NNMT: variants seen among roughly 807,000 people sequenced by gnomAD.
The protein encoded by NNMT is nicotinamide N-methyltransferase.
A neutral mutation model predicts 11.7 loss-of-function variants in NNMT; 10 were observed. The ratio of observed to expected loss-of-function variants is 0.85; its 90% CI spans 0.53 to 1.45. The LOEUF (loss-of-function observed/expected upper bound fraction) is 1.45. Among genes scored for constraint, NNMT ranks in the 40% most tolerant of loss-of-function variants. The pLI, the probability that NNMT is intolerant of heterozygous loss-of-function variation, is 0.00. For missense variants in NNMT, 381 were observed against 319.4 expected (o/e 1.19, Z -1.47); for synonymous variants, 143 against 133.8 (o/e 1.07, Z -0.48).
At chr11:114,267,547 A>T (rs113077579) in intron 2 of NNMT, among the ~76,000 whole-genome samples, 3 of 152,338 alleles carry the variant, frequency 2.0e-5, no homozygotes, top group African/African-American at 7.2e-5. Context: ...TAATATTTTT[A>T]ATGAATTACA....
chr11:114,284,684 G>C (rs1038441749), intron 2 of NNMT, among the ~76,000 whole-genome samples: 1 of 150,654 alleles, frequency 6.6e-6, no homozygotes, highest in African/African-American at 2.4e-5. Flanking sequence ...GGATGGTCTC[G>C]ATCTCCTGAC....
chr11:114,281,971 C>A (rs1003520917), intron 2 of NNMT, among the ~76,000 whole-genome samples: 6 of 152,186 alleles, frequency 3.9e-5, no homozygotes, highest in African/African-American at 1.4e-4. Flanking sequence ...TGACTAAAGA[C>A]TTCTGTGCCT....
At chr11:114,291,961 C>G (rs1945338467), upstream of NNMT, among the ~76,000 whole-genome samples, 1 of 152,182 alleles carries the variant, frequency 6.6e-6, no homozygotes, top group South Asian at 2.1e-4. Context: ...AATTCTCTGT[C>G]TTTATCTGTT....
At position 114,297,933 on chromosome 11, in the gene NNMT, T is replaced by G; in HGVS notation, c.155-18T>G. The G allele has an allele frequency of 6.2e-7, 1 of 1,610,020 alleles. No homozygotes were observed. The highest frequency in any genetic ancestry group is 1.3e-5 in the African/African-American group (1 of 74,964). On this transcript the variant is annotated intron_variant, in intron 1 of 2. Coordinates refer to ENST00000299964, the MANE Select transcript of NNMT (RefSeq NM_006169.3). ...TGAGATGCCTGATCTCTCCTCTTTG[T>G]TCCTCCCACTAATCCAGACGGTGTG...
At position 114,267,945 on chromosome 11, in the gene NNMT, A is replaced by T. The variant is rs137921451; in HGVS notation, c.-130+5011A>T. 4.9e-4 allele frequency among the ~76,000 whole-genome samples: 74 copies of T among 152,352 alleles called. No individual in the cohort carries two copies. The South Asian group carries it at 0.015, about 31-fold the overall frequency. On this transcript the variant is annotated intron_variant, in intron 2 of 4. Transcript: ENST00000535401. ...TTGATTTATTTGAATTAAGAGCCAA[A>T]TCATACCCACATACTGCATCGATTT...
chr11:114,282,062 A>AC (rs1481095356), intron 2 of NNMT, among the ~76,000 whole-genome samples: 1 of 152,130 alleles, frequency 6.6e-6, no homozygotes, highest in Non-Finnish European at 1.5e-5. Context: ...TCTCCACTCT[A>AC]CTAGAAATTA....
intron 2 of NNMT, among the ~76,000 whole-genome samples, chr11:114,283,201 C>A (rs1223994467): frequency 1.3e-5 from 2 of 152,100 alleles, no homozygotes; most frequent in Non-Finnish European, 2.9e-5. Context: ...TCACACAGGT[C>A]TCTATATGAA....
At chr11:114,297,741 C>T (rs886198472) in intron 1 of NNMT, among the ~76,000 whole-genome samples, 2 of 152,152 alleles carry the variant, frequency 1.3e-5, no homozygotes, top group African/African-American at 4.8e-5. Flanking sequence ...CCTGCCTTGG[C>T]CTTCCAGAGT....
intron 2 of NNMT, among the ~76,000 whole-genome samples, chr11:114,280,727 A>T (rs1021239912): frequency 2.6e-5 from 4 of 152,106 alleles, no homozygotes; most frequent in Admixed American, 1.3e-4. Flanking sequence ...GGCTGCAGGC[A>T]CCTGACCAAG....
intron 1 of NNMT, among the ~76,000 whole-genome samples, chr11:114,262,666 C>A (rs1945092524): frequency 6.6e-6 from 1 of 152,150 alleles, no homozygotes; most frequent in Non-Finnish European, 1.5e-5. Context: ...CAAATGGATG[C>A]AACTAAATGG....
At chr11:114,268,561 G>T (rs982676031) in intron 2 of NNMT, among the ~76,000 whole-genome samples, 1 of 152,100 alleles carries the variant, frequency 6.6e-6, no homozygotes, top group Non-Finnish European at 1.5e-5. Context: ...ACGAGGTCAG[G>T]AGATCAAGAC....
At chr11:114,258,165 G>A (rs1002948665) in intron 1 of NNMT, among the ~76,000 whole-genome samples, 6 of 152,330 alleles carry the variant, frequency 3.9e-5, no homozygotes, top group African/African-American at 1.4e-4. Context: ...CACATTGCTG[G>A]GGTCAGAAGA....
intron 2 of NNMT, among the ~76,000 whole-genome samples, chr11:114,288,755 GT>G (rs933789580): frequency 2.6e-5 from 4 of 152,086 alleles, no homozygotes; most frequent in African/African-American, 9.7e-5. Context: ...GTAAATTTTA[GT>G]AATATGTCCA....
At chr11:114,283,175 C>A (rs1486957743) in intron 2 of NNMT, among the ~76,000 whole-genome samples, 5 of 152,012 alleles carry the variant, frequency 3.3e-5, no homozygotes, top group African/African-American at 1.2e-4. Flanking sequence ...ACTGGGAATG[C>A]CCCCCATAGG....
At chr11:114,288,987 G>A (rs1565723789) in intron 2 of NNMT, among the ~76,000 whole-genome samples, 1 of 152,072 alleles carries the variant, frequency 6.6e-6, no homozygotes, top group African/African-American at 2.4e-5. Flanking sequence ...CTGAGTTTGT[G>A]TAAGATTAGA....
At chr11:114,301,974 A>AT (rs1388708302) in intron 2 of NNMT, among the ~76,000 whole-genome samples, 5 of 152,090 alleles carry the variant, frequency 3.3e-5, no homozygotes, top group South Asian at 4.1e-4. Context: ...AGTGTTTGTC[A>AT]TTTTTAGCTG....
chr11:114,294,292 A>G (rs1452546207), upstream of NNMT, among the ~76,000 whole-genome samples: 1 of 152,070 alleles, frequency 6.6e-6, no homozygotes, highest in African/African-American at 2.4e-5. Context: ...AGCCTGGCCA[A>G]TATGATGAAA....
intron 2 of NNMT, among the ~76,000 whole-genome samples, chr11:114,308,967 A>T (rs1268600886): frequency 6.6e-6 from 1 of 152,080 alleles, no homozygotes; most frequent in Admixed American, 6.5e-5. Context: ...TCATCATCTG[A>T]CTGGTAAGTT....
At chr11:114,297,818 GGA>G (rs996429728) in intron 1 of NNMT, 131 bp from the exon 2 acceptor site, 1 of 741,460 alleles carries the variant, frequency 1.3e-6, no homozygotes, top group Non-Finnish European at 2.3e-6. Context: ...ACATTTTGAG[GGA>G]AAAGTTGTGA....
Sources: gnomAD v4.1 joint callset for allele counts (sites outside exome capture counted in the v4.1 genomes callset) on GRCh38, gnomAD v4.1.1 for gene constraint, MANE v1.5 for transcripts, NCBI Gene and HGNC (gene_info 2026-07-23, HGNC 2026-07-21) for gene names.